Variants in ZFPM2 observed in about 807,000 individuals in gnomAD.
ZFPM2 encodes zinc finger protein ZFPM2.
ZFPM2 carries 20 observed loss-of-function variants against 98.6 expected under a neutral mutation model. The observed-to-expected ratio is 0.20, with a 90% CI of 0.14 to 0.29. The LOEUF (loss-of-function observed/expected upper bound fraction) is 0.29, where lower values mean the gene tolerates loss of function less well. Among genes scored for constraint, ZFPM2 ranks in the 10% least tolerant of loss-of-function variants. The probability of loss-of-function intolerance (pLI) is 1.00; values close to 1 mark genes in which losing one functional copy is unlikely to be tolerated. For missense variants in ZFPM2, 1,310 were observed against 1,388.6 expected, an observed-to-expected ratio of 0.94 and a Z score of 0.90; for synonymous variants, 518 against 502.7, an observed-to-expected ratio of 1.03 and a Z score of -0.41.
At chr8:105,548,277 A>C (rs1329684647) in intron 3 of ZFPM2, among the ~76,000 whole-genome samples, 1 of 152,138 alleles carries the variant, frequency 6.6e-6, no homozygotes, top group Non-Finnish European at 1.5e-5. Flanking sequence ...GTTCATGTGA[A>C]ATTATCAAAA....
chr8:105,375,485 A>T (rs1810706851), intron 1 of ZFPM2, among the ~76,000 whole-genome samples: 1 of 152,178 alleles, frequency 6.6e-6, no homozygotes, highest in Admixed American at 6.6e-5. Flanking sequence ...CTAGTGCAGT[A>T]GCAAAGAAGG....
At chr8:105,637,042 G>A (rs546533433) in intron 5 of ZFPM2, among the ~76,000 whole-genome samples, 1 of 152,094 alleles carries the variant, frequency 6.6e-6, no homozygotes, top group Admixed American at 6.6e-5. Context: ...GTCCAACTTA[G>A]GGTTGGAGTG....
In ZFPM2 at chr8:105,801,421, C is replaced by T; in HGVS notation, c.1339C>T (p.Leu447Phe). 3.1e-6 allele frequency: 5 copies of T among 1,613,856 alleles called. No homozygotes were observed. The highest frequency in any genetic ancestry group is 4.2e-6 in the Non-Finnish European group (5 of 1,179,854). ...GGACAAGTGTGAGAAAAAGACTCAG[C>T]TCTTTCTCACGAACCAGAGACCAGA... The part of the protein sequence containing the change: ...ELDKCEKKTQ[L>F]FLTNQRPEIQ... The change falls in exon 8 of 8, where the codon CTC becomes TTC. Residue 447 changes from leucine to phenylalanine, a missense_variant. Coordinates refer to ENST00000407775, the MANE Select transcript of ZFPM2 (RefSeq NM_012082.4).
chr8:105,477,143 C>T (rs2130370650), intron 3 of ZFPM2, among the ~76,000 whole-genome samples: 1 of 148,730 alleles, frequency 6.7e-6, no homozygotes, highest in Non-Finnish European at 1.5e-5. Context: ...ATTTTTGGTA[C>T]AATTTTCAAG....
intron 5 of ZFPM2, among the ~76,000 whole-genome samples, chr8:105,748,583 A>G (rs1238810396): frequency 6.6e-6 from 1 of 152,000 alleles, no homozygotes; most frequent in African/African-American, 2.4e-5. Flanking sequence ...AGGTACATTG[A>G]TGATTTGCTT....
In ZFPM2 at chr8:105,441,948, C is replaced by T. The variant is rs1812259770; in HGVS notation, c.200-2332C>T. Among the ~76,000 whole-genome samples the T allele has an allele frequency of 2.0e-5, 3 of 152,070 alleles. No individual in the cohort carries two copies. In the South Asian group the frequency reaches 6.2e-4, roughly 31 times the overall value. On this transcript the variant is annotated intron_variant, in intron 2 of 7. Coordinates refer to ENST00000407775, the MANE Select transcript of ZFPM2 (RefSeq NM_012082.4). ...TGCAAAATGGGGCACAGAAGATAAA[C>T]CCTTTTTTGTTCCTGAGACTTTTTT...
At chr8:105,670,883 G>T (rs146231581) in intron 5 of ZFPM2, among the ~76,000 whole-genome samples, 1 of 152,106 alleles carries the variant, frequency 6.6e-6, no homozygotes, top group Non-Finnish European at 1.5e-5. Context: ...GATAAACTCA[G>T]TATTGGCAGT....
At chr8:105,399,955 A>G (rs529238376) in intron 1 of ZFPM2, among the ~76,000 whole-genome samples, 6 of 152,054 alleles carry the variant, frequency 3.9e-5, no homozygotes, top group African/African-American at 1.2e-4. Flanking sequence ...TTTAGTAGAG[A>G]TGGTGTTTCA....
At chr8:105,332,438 A>G (rs1812250878) in intron 1 of ZFPM2, among the ~76,000 whole-genome samples, 1 of 151,740 alleles carries the variant, frequency 6.6e-6, no homozygotes, top group Non-Finnish European at 1.5e-5. Flanking sequence ...AAAAACCCAC[A>G]TAATTTCCTG....
At position 105,795,246 on chromosome 8, in the gene ZFPM2, TTGTGTGTGTGTGTGTG is replaced by T. The variant is rs780534248; in HGVS notation, c.740-3455_740-3440del. Among the ~76,000 whole-genome samples, 83 of 138,322 alleles carry T rather than the reference TTGTGTGTGTGTGTGTG, an allele frequency of 6.0e-4. 1 individual carries two copies. Among genetic ancestry groups the T allele is most frequent in the African/African-American group, 1.7e-3 (62 of 36,376 alleles). 90.7% of individuals were successfully genotyped at this position (138,322 alleles called of 152,430 possible). A position where few individuals can be genotyped will look rare whatever the true frequency, so the allele number is the denominator to read the frequency against. On this transcript the variant is annotated intron_variant, in intron 6 of 7. Transcript: ENST00000407775. The stretch of plus-strand genomic sequence containing the variant: ...TTGGCTCCTCCCCCTCATTTTATCT[TTGTGTGTGTGTGTGTG>T]TGTGTGTGTGTGTGTGTGTGTGGTC...
chr8:105,797,543 A>C (rs1813869436), intron 6 of ZFPM2, among the ~76,000 whole-genome samples: 1 of 152,154 alleles, frequency 6.6e-6, no homozygotes, highest in South Asian at 2.1e-4. Flanking sequence ...ACTTGTTGAG[A>C]GTCTGCAATT....
intron 1 of ZFPM2, among the ~76,000 whole-genome samples, chr8:105,355,739 C>T (rs1295454765): frequency 1.3e-5 from 2 of 152,054 alleles, no homozygotes; most frequent in Non-Finnish European, 2.9e-5. Flanking sequence ...GGGAATATGT[C>T]CAAAGGCATT....
intron 3 of ZFPM2, among the ~76,000 whole-genome samples, chr8:105,461,452 C>T (rs187973651): frequency 6.6e-5 from 10 of 152,194 alleles, no homozygotes; most frequent in East Asian, 3.9e-4. Flanking sequence ...ATATGTCATC[C>T]GGTTAGGCTC....
Position 105,802,556 on chromosome 8 carries a change from A to G in ZFPM2, c.2474A>G (p.Glu825Gly), listed in dbSNP as rs754426194. Residue 825 changes from glutamate to glycine, a missense_variant, in exon 8 of 8, where the codon GAG becomes GGG. By Grantham distance (98) the Glu-to-Gly change is moderately conservative. Coordinates refer to ENST00000407775, the MANE Select transcript of ZFPM2 (RefSeq NM_012082.4). ...DTTHSSVSCL[E>G]MDVPIDLSKK... ...ACTCATTCCAGTGTTTCCTGCCTAG[A>G]GATGGACGTGCCCATAGATCTCAGC... 122 of 1,611,688 alleles carry G rather than the reference A, an allele frequency of 7.6e-5. No homozygotes were observed. The highest frequency in any genetic ancestry group is 1.0e-4 in the Non-Finnish European group (121 of 1,178,800).
chr8:105,765,253 A>G (rs1812830800), intron 5 of ZFPM2, among the ~76,000 whole-genome samples: 1 of 151,738 alleles, frequency 6.6e-6, no homozygotes, highest in African/African-American at 2.4e-5. Flanking sequence ...AAATTTTGTA[A>G]AATAGCACAA....
rs181456792 is a variant in ZFPM2 at position 105,497,356 on chromosome 8, A to G, written c.301+52975A>G. Among the ~76,000 whole-genome samples, 191 of 152,318 alleles carry G rather than the reference A, an allele frequency of 1.3e-3. 2 individuals are homozygous for G. Among genetic ancestry groups the G allele is most frequent in the African/African-American group, 4.6e-3 (190 of 41,580 alleles). On this transcript the variant is annotated intron_variant, in intron 3 of 7. Transcript: ENST00000407775. Reference sequence around the variant, plus strand: ...TAATCCAGTGTGACAGAAAAAGACCATTAAAAGCAAACAAACAAACAAAAA... The same window carrying G: ...TAATCCAGTGTGACAGAAAAAGACCGTTAAAAGCAAACAAACAAACAAAAA...
chr8:105,357,991 A>G (rs1325940902), intron 1 of ZFPM2, among the ~76,000 whole-genome samples: 2 of 152,228 alleles, frequency 1.3e-5, no homozygotes, highest in Admixed American at 6.5e-5. Context: ...AATTTAACAA[A>G]ATTAAGCAAA....
intron 1 of ZFPM2, among the ~76,000 whole-genome samples, chr8:105,404,138 G>C (rs1366853418): frequency 6.6e-6 from 1 of 152,104 alleles, no homozygotes; most frequent in East Asian, 1.9e-4. Flanking sequence ...TTAAGAAGCT[G>C]AAGGACAAGT....
chr8:105,660,280 A>G (rs1817362646), intron 5 of ZFPM2, among the ~76,000 whole-genome samples: 1 of 152,078 alleles, frequency 6.6e-6, no homozygotes, highest in Non-Finnish European at 1.5e-5. Flanking sequence ...TATGCTTTCC[A>G]GAGGGGAAAA....
Sources: gnomAD v4.1 joint callset for allele counts (sites outside exome capture counted in the v4.1 genomes callset) on GRCh38, gnomAD v4.1.1 for gene constraint, MANE v1.5 for transcripts, NCBI Gene and HGNC (gene_info 2026-07-23, HGNC 2026-07-21) for gene names.